CASP14: variants seen among roughly 807,000 people sequenced by gnomAD.
CASP14 encodes caspase-14.
A neutral mutation model predicts 28.4 loss-of-function variants in CASP14; 27 were observed. The ratio of observed to expected loss-of-function variants is 0.95; its 90% CI spans 0.70 to 1.31. The LOEUF (loss-of-function observed/expected upper bound fraction) is 1.31, where lower values mean the gene tolerates loss of function less well. Ranked by LOEUF, CASP14 falls within the 50% of genes most tolerant of loss-of-function variation. The pLI is 0.00. For missense variants in CASP14, 323 were observed against 312.8 expected (o/e 1.03, Z -0.25); for synonymous variants, 115 against 118.6 (o/e 0.97, Z 0.20).
intron 1 of CASP14, among the ~76,000 whole-genome samples, chr19:15,051,197 G>GA (rs35123730): frequency 0.52 from 75,526 of 146,162 alleles, 19,706 homozygotes; most frequent in Non-Finnish European, 0.58. Flanking sequence ...GATCTAGATA[G>GA]AAAAAAAAAA....
At position 15,049,613 on chromosome 19, in the gene CASP14, C is replaced by G. The variant is rs943632687; in HGVS notation, c.-79C>G. ...CAACTAGGAGAGTAGTGAGATTGAA[C>G]TTGGCCTTGAGGAACAGCTGCCTCT... is the stretch of plus-strand genomic sequence containing the variant. On this transcript the variant is annotated 5_prime_UTR_variant, in exon 1 of 7. Coordinates refer to ENST00000427043, the MANE Select transcript of CASP14 (RefSeq NM_012114.3). 1.3e-5 allele frequency: 2 copies of G among 151,210 alleles called. No individual in the cohort carries two copies. Among genetic ancestry groups the G allele is most frequent in the Non-Finnish European group, 2.9e-5 (2 of 67,994 alleles). 9.4% of individuals were successfully genotyped at this position (151,210 alleles called of 1,614,324 possible). A position where few individuals can be genotyped will look rare whatever the true frequency, so the allele number is the denominator to read the frequency against.
rs549293146 is a variant in CASP14, at chr19:15,053,882, C to T, written c.327C>T (p.Phe109=). 15 of 1,614,114 alleles carry T rather than the reference C, an allele frequency of 9.3e-6. No homozygotes were observed. Among genetic ancestry groups the T allele is most frequent in the Admixed American group, 5.0e-5 (3 of 59,998 alleles). ...AGATGGTCAAGCTGGAGAATCTCTT[C>T]GAGGCCCTGAACAACAAGAACTGCC... ...DGEMVKLENL[F]EALNNKNCQA... Residue 109 remains phenylalanine, a synonymous_variant, in exon 4 of 7, where the codon TTC becomes TTT. Coordinates refer to ENST00000427043, the MANE Select transcript of CASP14 (RefSeq NM_012114.3).
rs562909688 is a variant in CASP14, at chr19:15,056,072, C to T, written c.712C>T (p.Arg238Trp). ...NPEIQSTLRK[R>W]LYLQ ...TGAAATCCAAAGCACCCTCCGGAAA[C>T]GGCTGTATCTGCAGTAGAAGTAGAA... Residue 238 changes from arginine (R) to tryptophan (W), a missense_variant, in exon 7 of 7, where the codon CGG becomes TGG. Coordinates refer to ENST00000427043, the MANE Select transcript of CASP14 (RefSeq NM_012114.3). 111 of 1,600,620 alleles carry T rather than the reference C, an allele frequency of 6.9e-5. 1 individual carries two copies. The highest frequency in any genetic ancestry group is 2.7e-4 in the South Asian group (24 of 88,794).
At position 15,057,854 on chromosome 19, in the gene CASP14, T is replaced by A. The variant is rs2046124743; in HGVS notation, c.*1765T>A. ...AAGGAGCTATGATCATGCCAGTGCA[T>A]CCCAGCTCTAGGTGAGACAGTGAGA... On this transcript the variant is annotated 3_prime_UTR_variant, in exon 7 of 7. Transcript: ENST00000427043. 3 of 152,216 alleles carry A rather than the reference T, an allele frequency of 2.0e-5. No homozygotes were observed. The highest frequency in any genetic ancestry group is 7.2e-5 in the African/African-American group (3 of 41,442). The allele number at this position is 152,216 out of a possible 1,614,324, so 9.4% of individuals were successfully genotyped here. A position where few individuals can be genotyped will look rare whatever the true frequency, so the allele number is the denominator to read the frequency against.
At chr19:15,055,820 T>C (rs1381323244) in intron 6 of CASP14, among the ~76,000 whole-genome samples, 165 bp from the exon 7 acceptor site, 1 of 152,150 alleles carries the variant, frequency 6.6e-6, no homozygotes, top group African/African-American at 2.4e-5. Flanking sequence ...TTGCAAATTA[T>C]TTAAAAAATG....
Position 15,053,742 on chromosome 19 carries a change from G to A in CASP14, c.187G>A (p.Glu63Lys), listed in dbSNP as rs575021361. The A allele has an allele frequency of 1.1e-5, 18 of 1,613,464 alleles. No individual in the cohort carries two copies. The South Asian group carries it at 2.0e-4, about 18-fold the overall frequency. Residue 63 changes from glutamate to lysine, a missense_variant, in exon 4 of 7, where the codon GAA becomes AAA. Transcript: ENST00000427043. The part of the protein sequence containing the change: ...KRDPTAEQFQ[E>K]ELEKFQQAID... Reference sequence around the variant, plus strand: ...CTTCCTCTCACTCCAGCAATTCCAGGAAGAGCTGGAAAAATTCCAGCAGGC... The same window carrying A: ...CTTCCTCTCACTCCAGCAATTCCAGAAAGAGCTGGAAAAATTCCAGCAGGC...
intron 2 of CASP14, 102 bp downstream of exon 2, chr19:15,052,380 C>A: frequency 8.5e-7 from 1 of 1,173,530 alleles, no homozygotes; most frequent in Non-Finnish European, 1.2e-6. Context: ...AAATCATGAT[C>A]TGAACTCAGA....
At chr19:15,051,503 A>AG (rs2046090799) in intron 1 of CASP14, among the ~76,000 whole-genome samples, 1 of 16,148 alleles carries the variant, frequency 6.2e-5, no homozygotes, top group African/African-American at 2.6e-4. Context: ...ATTCTGTCTC[A>AG]AAAAAAAAAA....
At chr19:15,052,396 G>A in intron 2 of CASP14, 118 bp downstream of exon 2, 1 of 1,048,584 alleles carries the variant, frequency 9.5e-7, no homozygotes, top group South Asian at 1.9e-5. Flanking sequence ...TCAGAGCTAG[G>A]AGGTACTTTG....
In CASP14 at chr19:15,056,520, C is replaced by T. The variant is rs1357413550; in HGVS notation, c.*431C>T. On this transcript the variant is annotated 3_prime_UTR_variant, in exon 7 of 7. Transcript: ENST00000427043. ...CCTGCATCTCACTTGGAGGTCAAAC[C>T]TCCTCCTGAGGCCAATGCATTCCCA... 5.8e-6 allele frequency: 1 copy of T among 172,976 alleles called. No homozygotes were observed. The highest frequency in any genetic ancestry group is 2.4e-5 in the African/African-American group (1 of 42,220). The allele number at this position is 172,976 out of a possible 1,614,324, so 10.7% of individuals were successfully genotyped here.
intron 5 of CASP14, 67 bp from the exon 6 acceptor site, chr19:15,055,363 G>C: frequency 6.4e-7 from 1 of 1,560,858 alleles, no homozygotes; most frequent in Non-Finnish European, 8.8e-7. Context: ...CAGGACCCAC[G>C]CCCTTCCAGG....
In CASP14 at chr19:15,055,478, C is replaced by A; in HGVS notation, c.569C>A (p.Thr190Asn). 6.2e-7 allele frequency: 1 copy of A among 1,614,116 alleles called. No individual in the cohort carries two copies. The highest frequency in any genetic ancestry group is 8.5e-7 in the Non-Finnish European group (1 of 1,179,986). The change falls in exon 6 of 7, where the codon ACC becomes AAC. Residue 190 changes from threonine (T) to asparagine (N), a missense_variant. Transcript: ENST00000427043. ...HDQKGSCFIQ[T>N]LVDVFTKRKG... ...CAGAAAGGCTCATGCTTTATCCAGA[C>A]CCTGGTGGATGTGTTCACGAAGAGG...
chr19:15,053,414 C>A, intron 2 of CASP14, 68 bp from the exon 3 acceptor site: 5 of 1,594,076 alleles, frequency 3.1e-6, no homozygotes, highest in Non-Finnish European at 4.3e-6. Context: ...AGCCTGCATG[C>A]CTCTTTTGAC....
intron 5 of CASP14, 29 bp downstream of exon 5, chr19:15,055,303 C>A: frequency 6.3e-7 from 1 of 1,589,774 alleles, no homozygotes; most frequent in Non-Finnish European, 8.6e-7. Context: ...CCCAGGGATC[C>A]CTCTGCTCTT....
In CASP14 at chr19:15,056,250, T is replaced by C. The variant is rs954851715; in HGVS notation, c.*161T>C. On this transcript the variant is annotated 3_prime_UTR_variant, in exon 7 of 7. Transcript: ENST00000427043. ...TTCATGCAGGTCCTCCTGTCCTTAT[T>C]AGAGCAAGCCAGCCAAAACTTAGCA... 1 of 569,034 alleles carries C rather than the reference T, an allele frequency of 1.8e-6. No individual in the cohort carries two copies. The highest frequency in any genetic ancestry group is 3.2e-6 in the Non-Finnish European group (1 of 311,622). The allele number at this position is 569,034 out of a possible 1,614,324, so 35.2% of individuals were successfully genotyped here.
At chr19:15,055,028 C>A in intron 4 of CASP14, 130 bp from the exon 5 acceptor site, 2 of 695,278 alleles carry the variant, frequency 2.9e-6, no homozygotes, top group Non-Finnish European at 5.2e-6. Context: ...CAGCCTCAAG[C>A]TCCCAGGTTC....
Position 15,057,830 on chromosome 19 carries a change from A to C in CASP14, c.*1741A>C, listed in dbSNP as rs1273515404. 2.0e-5 allele frequency: 3 copies of C among 152,248 alleles called. No homozygotes were observed. The highest frequency in any genetic ancestry group is 4.4e-5 in the Non-Finnish European group (3 of 68,106). 9.4% of individuals were successfully genotyped at this position (152,248 alleles called of 1,614,324 possible). ...TTGAGCCCAGGAGTTTGAGGCTGCA[A>C]GGAGCTATGATCATGCCAGTGCATC... is the stretch of plus-strand genomic sequence containing the variant. On this transcript the variant is annotated 3_prime_UTR_variant, in exon 7 of 7. Transcript: ENST00000427043.
chr19:15,050,321 T>TGTGAGAGAGAGA (rs201170850), intron 1 of CASP14, among the ~76,000 whole-genome samples: 25 of 149,196 alleles, frequency 1.7e-4, no homozygotes, highest in African/African-American at 5.6e-4. Flanking sequence ...TGTGTGTGTG[T>TGTGAGAGAGAGA]GAGAGAGAGA....
At chr19:15,051,466 C>A in intron 1 of CASP14, among the ~76,000 whole-genome samples, 1 of 140,608 alleles carries the variant, frequency 7.1e-6, no homozygotes. Flanking sequence ...GCCACTGCAC[C>A]CCAGACAGCC....
Sources: allele counts gnomAD v4.1 joint callset (sites outside exome capture counted in the v4.1 genomes callset), GRCh38; gene constraint gnomAD v4.1.1; transcripts MANE v1.5; gene names NCBI Gene and HGNC (gene_info 2026-07-23, HGNC 2026-07-21).